The following SRD5A2 variants were observed in gnomAD, a reference collection of about 807,000 sequenced individuals.
The protein encoded by SRD5A2 is 3-oxo-5-alpha-steroid 4-dehydrogenase 2.
SRD5A2 carries 30 observed loss-of-function variants against 27.4 expected under a neutral mutation model. The observed-to-expected ratio is 1.10, with a 90% CI of 0.82 to 1.49. The LOEUF (loss-of-function observed/expected upper bound fraction) is 1.49, where lower values mean the gene tolerates loss of function less well. SRD5A2 is among the 40% of genes most tolerant of loss of function. SRD5A2 has a pLI of 0.00. For missense variants in SRD5A2, 348 were observed against 323.4 expected (o/e 1.08, Z -0.58); for synonymous variants, 141 against 133.6 (o/e 1.06, Z -0.38).
chr2:31,649,035 T>A, the SRD5A2 span, among the ~76,000 whole-genome samples: 5 of 152,172 alleles, frequency 3.3e-5, no homozygotes, highest in Admixed American at 2.6e-4. Context: ...CTCTAAATTA[T>A]CAGATGCCTC....
In SRD5A2 at chr2:31,580,700, G is replaced by A. The variant is rs767701796; in HGVS notation, c.201C>T (p.Ile67=). ...AGAGGGAGAGGGGCTGCCGGGCGAG[G>A]ATCCCCGCGGGCACCGCGAAGGAAG... ...ELPSFAVPAG[I]LARQPLSLFG... is the part of the protein sequence containing the mutation. The change falls in exon 1 of 5, where the codon ATC becomes ATT. Residue 67 remains isoleucine (I), a synonymous_variant. Coordinates refer to ENST00000622030, the MANE Select transcript of SRD5A2 (RefSeq NM_000348.4). 2 of 1,603,014 alleles carry A rather than the reference G, an allele frequency of 1.2e-6. No homozygotes were observed. The highest frequency in any genetic ancestry group is 1.1e-5 in the South Asian group (1 of 90,720).
At chr2:31,551,972 C>T (rs576581497) in intron 1 of SRD5A2, among the ~76,000 whole-genome samples, 2 of 151,876 alleles carry the variant, frequency 1.3e-5, no homozygotes, top group Admixed American at 6.6e-5. Flanking sequence ...GGAGACAATC[C>T]TCAGGATCTA....
chr2:31,573,233 T>G (rs554057415), intron 1 of SRD5A2, among the ~76,000 whole-genome samples: 6 of 152,312 alleles, frequency 3.9e-5, no homozygotes, highest in African/African-American at 1.2e-4. Flanking sequence ...CAAAATGAGA[T>G]AGCCAATGCA....
At chr2:31,638,009 T>A in the SRD5A2 span, among the ~76,000 whole-genome samples, 1 of 152,124 alleles carries the variant, frequency 6.6e-6, no homozygotes, top group Admixed American at 6.5e-5. Context: ...TTCACTGAGA[T>A]GCATCATTAG....
chr2:31,652,431 A>G, the SRD5A2 span, among the ~76,000 whole-genome samples: 1 of 151,954 alleles, frequency 6.6e-6, no homozygotes, highest in Non-Finnish European at 1.5e-5. Flanking sequence ...TTCCAGCTAT[A>G]TTTTTTCTAA....
At chr2:31,564,667 A>C (rs1666693789) in intron 1 of SRD5A2, among the ~76,000 whole-genome samples, 1 of 152,066 alleles carries the variant, frequency 6.6e-6, no homozygotes, top group Admixed American at 6.5e-5. Flanking sequence ...AGATACGTTA[A>C]GTACAGAGGA....
chr2:31,587,057 G>A, the SRD5A2 span, among the ~76,000 whole-genome samples: 1 of 152,024 alleles, frequency 6.6e-6, no homozygotes, highest in Non-Finnish European at 1.5e-5. Flanking sequence ...GAATCAAACA[G>A]AAACTCCATC....
intron 3 of SRD5A2, 130 bp downstream of exon 3, chr2:31,531,241 A>C: frequency 1.6e-6 from 1 of 628,048 alleles, no homozygotes; most frequent in Non-Finnish European, 2.8e-6. Flanking sequence ...TTGCAGGGGA[A>C]GTCAAGAGCA....
intron 2 of SRD5A2, 83 bp downstream of exon 2, chr2:31,533,520 C>T: frequency 7.8e-7 from 1 of 1,284,104 alleles, no homozygotes; most frequent in Non-Finnish European, 1.1e-6. Context: ...GAGGTCATTG[C>T]AGTAGGGAGA....
chr2:31,620,271 T>C, the SRD5A2 span, among the ~76,000 whole-genome samples: 2 of 151,986 alleles, frequency 1.3e-5, no homozygotes, highest in African/African-American at 2.4e-5. Flanking sequence ...CCTTGAAAAC[T>C]AGCACAAGAC....
At chr2:31,602,789 CA>C in the SRD5A2 span, among the ~76,000 whole-genome samples, 336 of 150,642 alleles carry the variant, frequency 2.2e-3, 1 homozygote, top group South Asian at 6.1e-3. Context: ...ACAAAACTGA[CA>C]AAAAAAAGAA....
At chr2:31,604,154 G>C in the SRD5A2 span, among the ~76,000 whole-genome samples, 1 of 151,900 alleles carries the variant, frequency 6.6e-6, no homozygotes, top group South Asian at 2.1e-4. Context: ...AGCTATATAT[G>C]ACAGACTCAC....
At chr2:31,534,180 T>C (rs1033058835) in intron 1 of SRD5A2, among the ~76,000 whole-genome samples, 10 of 152,180 alleles carry the variant, frequency 6.6e-5, no homozygotes, top group Admixed American at 6.5e-5. Flanking sequence ...CTATTAGTGA[T>C]AGAGTAAGAG....
the SRD5A2 span, among the ~76,000 whole-genome samples, chr2:31,597,963 G>C: frequency 6.6e-6 from 1 of 152,082 alleles, no homozygotes; most frequent in East Asian, 1.9e-4. Context: ...TGTCTACCCA[G>C]AGGAAAAGAA....
At chr2:31,658,696 A>T in the SRD5A2 span, among the ~76,000 whole-genome samples, 1 of 152,102 alleles carries the variant, frequency 6.6e-6, no homozygotes, top group Non-Finnish European at 1.5e-5. Context: ...AACAGAAAAA[A>T]TAATGAGCTC....
rs1665925858 is a variant in SRD5A2, at chr2:31,532,312, C to A, written c.446-840G>T. ...ACCCACTCTCATGAAATAACGTGAGCTAGTTTGGAGGCGTGGCCACTAACA... is the reference window on the plus strand; with the variant it reads ...ACCCACTCTCATGAAATAACGTGAGATAGTTTGGAGGCGTGGCCACTAACA... On this transcript the variant is annotated intron_variant, in intron 2 of 4. Coordinates refer to ENST00000622030, the MANE Select transcript of SRD5A2 (RefSeq NM_000348.4). Among the ~76,000 whole-genome samples, 3 of 151,012 alleles carry A rather than the reference C, an allele frequency of 2.0e-5. No homozygotes were observed. In the South Asian group the frequency reaches 6.3e-4, roughly 32 times the overall value.
chr2:31,531,974 C>T (rs188387669), intron 2 of SRD5A2, among the ~76,000 whole-genome samples: 2 of 152,242 alleles, frequency 1.3e-5, no homozygotes, highest in East Asian at 1.9e-4. Flanking sequence ...CCTTGGAAAT[C>T]GTTTGCTTTT....
intron 1 of SRD5A2, among the ~76,000 whole-genome samples, chr2:31,554,826 A>G (rs1666459963): frequency 6.6e-6 from 1 of 152,038 alleles, no homozygotes; most frequent in African/African-American, 2.4e-5. Context: ...GTAGGGACAG[A>G]TGGTTCTTCG....
chr2:31,550,769 A>G (rs1666366587), intron 1 of SRD5A2, among the ~76,000 whole-genome samples: 1 of 152,010 alleles, frequency 6.6e-6, no homozygotes, highest in South Asian at 2.1e-4. Flanking sequence ...TACAGCTAAC[A>G]TTATATCGAA....
Sources: allele counts gnomAD v4.1 joint callset (sites outside exome capture counted in the v4.1 genomes callset), GRCh38; gene constraint gnomAD v4.1.1; transcripts MANE v1.5; gene names NCBI Gene and HGNC (gene_info 2026-07-23, HGNC 2026-07-21).